Variants in UGT1A4 observed in about 807,000 individuals in gnomAD.
UGT1A4 encodes the protein UDP-glucuronosyltransferase 1A4.
A neutral mutation model predicts 41.1 loss-of-function variants in UGT1A4; 32 were observed. The ratio of observed to expected loss-of-function variants is 0.78; its 90% CI spans 0.59 to 1.05. The LOEUF (loss-of-function observed/expected upper bound fraction) is 1.05. Ranked by LOEUF, UGT1A4 falls within the 50% of genes least tolerant of loss-of-function variation. UGT1A4 has a pLI of 0.00. For synonymous variants in UGT1A4, 283 were observed against 265.1 expected, an observed-to-expected ratio of 1.07 and a Z score of -0.66; for missense variants, 748 against 677.4, an observed-to-expected ratio of 1.10 and a Z score of -1.16.
At chr2:233,753,891 G>C (rs2125923136) in intron 1 of UGT1A4, among the ~76,000 whole-genome samples, 1 of 152,280 alleles carries the variant, frequency 6.6e-6, no homozygotes, top group East Asian at 1.9e-4. Context: ...CCTTCAGAAG[G>C]AACATGCTTC....
intron 1 of UGT1A4, among the ~76,000 whole-genome samples, chr2:233,760,004 A>G (rs1697302035): frequency 6.6e-6 from 1 of 152,168 alleles, no homozygotes; most frequent in South Asian, 2.1e-4. Flanking sequence ...TGGAAATACT[A>G]ATTTAATGGA....
At chr2:233,753,211 T>A (rs964244574) in intron 1 of UGT1A4, 3 of 152,210 alleles carry the variant, frequency 2.0e-5, no homozygotes, top group African/African-American at 4.8e-5. Flanking sequence ...CAGTCTGTCT[T>A]ATTTTGATAC....
At position 233,760,169 on chromosome 2, in the gene UGT1A4, T is replaced by C. The variant is rs928164877; in HGVS notation, c.868-6865T>C. 1.4e-5 allele frequency: 21 copies of C among 1,529,168 alleles called. No homozygotes were observed. In the African/African-American group the frequency reaches 2.9e-4, roughly 21 times the overall value. 94.7% of individuals were successfully genotyped at this position (1,529,168 alleles called of 1,614,324 possible). A position where few individuals can be genotyped will look rare whatever the true frequency, so the allele number is the denominator to read the frequency against. On this transcript the variant is annotated intron_variant, in intron 1 of 4. Coordinates refer to ENST00000373409, the MANE Select transcript of UGT1A4 (RefSeq NM_007120.3). ...TGAACTCCCTGCTACCTTTGTGGACTGACAGCTTTTTATAGTCACGTGACA... is the reference window on the plus strand; with the variant it reads ...TGAACTCCCTGCTACCTTTGTGGACCGACAGCTTTTTATAGTCACGTGACA...
chr2:233,745,923 C>T (rs922725968), intron 1 of UGT1A4, among the ~76,000 whole-genome samples: 1 of 151,246 alleles, frequency 6.6e-6, no homozygotes, highest in Non-Finnish European at 1.5e-5. Flanking sequence ...GGCAGTGATT[C>T]AGAAGGGACA....
At chr2:233,747,312 G>A in intron 1 of UGT1A4, 5 of 1,603,228 alleles carry the variant, frequency 3.1e-6, no homozygotes, top group Non-Finnish European at 4.3e-6. Context: ...AGGTGCTGGT[G>A]GTACCCATTG....
At position 233,757,541 on chromosome 2, in the gene UGT1A4, T is replaced by TATACATATAC. The variant is rs1229454769; in HGVS notation, c.868-9490_868-9489insCATATACATA. ...CAAAATCTTGCCTGTAAGGAATATA[T>TATACATATAC]ATATATATATATATATATATGTATA... On this transcript the variant is annotated intron_variant, in intron 1 of 4. Transcript: ENST00000373409. Among the ~76,000 whole-genome samples the TATACATATAC allele has an allele frequency of 5.2e-3, 611 of 117,548 alleles. 31 individuals carry two copies. Among genetic ancestry groups the TATACATATAC allele is most frequent in the Admixed American group, 0.029 (361 of 12,346 alleles). The allele number at this position is 117,548 out of a possible 152,430, so 77.1% of individuals were successfully genotyped here.
At chr2:233,751,152 G>T (rs1694652317) in intron 1 of UGT1A4, among the ~76,000 whole-genome samples, 1 of 151,956 alleles carries the variant, frequency 6.6e-6, no homozygotes, top group Non-Finnish European at 1.5e-5. Flanking sequence ...GCCCACTTCT[G>T]GCATCAGCAT....
chr2:233,728,929 G>A (rs533311965), intron 1 of UGT1A4, among the ~76,000 whole-genome samples: 12 of 142,966 alleles, frequency 8.4e-5, no homozygotes, highest in Admixed American at 6.7e-4. Context: ...AGTCATGATC[G>A]GTCTTTTCCA....
At chr2:233,722,345 T>C (rs2077007826) in intron 1 of UGT1A4, among the ~76,000 whole-genome samples, 2 of 152,264 alleles carry the variant, frequency 1.3e-5, no homozygotes, top group African/African-American at 4.8e-5. Context: ...GAAATTTTTC[T>C]ACAAATATAC....
intron 1 of UGT1A4, chr2:233,747,733 G>C (rs1192410134): frequency 9.3e-6 from 15 of 1,613,078 alleles, no homozygotes; most frequent in Middle Eastern, 3.3e-4. Flanking sequence ...TTTTTTTTGA[G>C]GAACATTCCA....
intron 1 of UGT1A4, chr2:233,741,799 G>A (rs1253457401): frequency 3.3e-5 from 5 of 151,906 alleles, no homozygotes; most frequent in African/African-American, 1.2e-4. Flanking sequence ...TTACCAGCAT[G>A]CTGCTCTTAA....
At position 233,728,248 on chromosome 2, in the gene UGT1A4, GA is replaced by G. The variant is rs150082316; in HGVS notation, c.867+8562del. ...ATCTTCAGGATGAAATAAAGGCCTGGATGACTGAAATAAAGACTGGAGCCTT... is the reference window on the plus strand; with the variant it reads ...ATCTTCAGGATGAAATAAAGGCCTGGTGACTGAAATAAAGACTGGAGCCTT... On this transcript the variant is annotated intron_variant, in intron 1 of 4. Transcript: ENST00000373409. 8.8e-3 allele frequency among the ~76,000 whole-genome samples: 1,334 copies of G among 152,284 alleles called. 20 individuals carry two copies. The highest frequency in any genetic ancestry group is 0.03 in the African/African-American group (1,244 of 41,558).
chr2:233,730,079 T>A, intron 1 of UGT1A4: 1 of 1,605,320 alleles, frequency 6.2e-7, no homozygotes, highest in African/African-American at 1.3e-5. Context: ...CTTCCATATT[T>A]ACTTATCTTT....
At chr2:233,761,154 G>A (rs1374366123) in intron 1 of UGT1A4, 1 of 1,614,240 alleles carries the variant, frequency 6.2e-7, no homozygotes, top group East Asian at 2.2e-5. Flanking sequence ...TATCCCAGGT[G>A]TGTATTGGAG....
intron 1 of UGT1A4, among the ~76,000 whole-genome samples, chr2:233,733,071 A>G (rs1267535040): frequency 6.6e-6 from 1 of 152,128 alleles, no homozygotes; most frequent in African/African-American, 2.4e-5. Context: ...TCTTTGTAGC[A>G]ATTGTGAATG....
At chr2:233,755,243 T>G (rs1026667908) in intron 1 of UGT1A4, 19 of 851,916 alleles carry the variant, frequency 2.2e-5, no homozygotes, top group African/African-American at 5.1e-5. Flanking sequence ...ACCGGGGTAC[T>G]CCCAGCACCT....
intron 1 of UGT1A4, among the ~76,000 whole-genome samples, chr2:233,741,293 A>G (rs1691617867): frequency 6.6e-6 from 1 of 151,772 alleles, no homozygotes; most frequent in Non-Finnish European, 1.5e-5. Context: ...TATGTACCCA[A>G]TTGTGTAGAT....
intron 1 of UGT1A4, among the ~76,000 whole-genome samples, chr2:233,727,070 C>G (rs1272254879): frequency 6.6e-6 from 1 of 152,126 alleles, no homozygotes; most frequent in Non-Finnish European, 1.5e-5. Context: ...TTTCTGTGTT[C>G]TCTTACAAAC....
chr2:233,760,664 G>T, intron 1 of UGT1A4: 3 of 1,614,182 alleles, frequency 1.9e-6, no homozygotes, highest in Non-Finnish European at 2.5e-6. Flanking sequence ...CTTTTGTCTG[G>T]CTGTTCCCAC....
Sources: gnomAD v4.1 joint callset for allele counts (sites outside exome capture counted in the v4.1 genomes callset) on GRCh38, gnomAD v4.1.1 for gene constraint, MANE v1.5 for transcripts, NCBI Gene and HGNC (gene_info 2026-07-23, HGNC 2026-07-21) for gene names.